The following MIR2052HG variants were observed in gnomAD, a reference collection of about 807,000 sequenced individuals.
MIR2052HG encodes the protein MIR2052 host gene.
At chr8:74,679,461 A>G (rs938391028) in intron 2 of MIR2052HG, among the ~76,000 whole-genome samples, 8 of 151,678 alleles carry the variant, frequency 5.3e-5, no homozygotes, top group Non-Finnish European at 1.2e-4. Flanking sequence ...TCCATGGTGT[A>G]TATGTACCAC....
At chr8:74,648,094 G>A (rs1808712678) in intron 2 of MIR2052HG, among the ~76,000 whole-genome samples, 1 of 152,106 alleles carries the variant, frequency 6.6e-6, no homozygotes, top group Non-Finnish European at 1.5e-5. Flanking sequence ...CTTCAGGTTT[G>A]GGCAGAATAG....
At chr8:74,614,452 T>C (rs560662498) in intron 2 of MIR2052HG, among the ~76,000 whole-genome samples, 1 of 152,316 alleles carries the variant, frequency 6.6e-6, no homozygotes, top group Admixed American at 6.5e-5. Context: ...TATTGGTGCT[T>C]TTAAATTCTC....
intron 2 of MIR2052HG, among the ~76,000 whole-genome samples, chr8:74,695,313 C>G (rs533975374): frequency 1.2e-4 from 18 of 152,252 alleles, no homozygotes; most frequent in Non-Finnish European, 2.2e-4. Flanking sequence ...AAAAGGAGCT[C>G]TAAATCTTGA....
intron 2 of MIR2052HG, among the ~76,000 whole-genome samples, chr8:74,637,225 A>G (rs75426908): frequency 2.3e-4 from 35 of 152,292 alleles, no homozygotes; most frequent in East Asian, 1.2e-3. Context: ...TGGAAGGACT[A>G]CATGTCAGAA....
At chr8:74,717,096 C>T (rs1266253724) in intron 4 of MIR2052HG, among the ~76,000 whole-genome samples, 1 of 151,922 alleles carries the variant, frequency 6.6e-6, no homozygotes, top group East Asian at 1.9e-4. Flanking sequence ...ACCTATCAAC[C>T]CGTCATCTAG....
At chr8:74,694,289 C>A (rs1809273117) in intron 2 of MIR2052HG, among the ~76,000 whole-genome samples, 1 of 152,176 alleles carries the variant, frequency 6.6e-6, no homozygotes, top group Admixed American at 6.5e-5. Flanking sequence ...TCTCAGGAAG[C>A]CCCATTCCTA....
At chr8:74,633,835 CT>C (rs1808549738) in intron 2 of MIR2052HG, among the ~76,000 whole-genome samples, 1 of 152,158 alleles carries the variant, frequency 6.6e-6, no homozygotes, top group African/African-American at 2.4e-5. Context: ...CCTTTGACTA[CT>C]ACAAGGATGA....
chr8:74,647,946 T>TCAC (rs1171770079), intron 2 of MIR2052HG, among the ~76,000 whole-genome samples: 1 of 152,194 alleles, frequency 6.6e-6, no homozygotes, highest in Non-Finnish European at 1.5e-5. Flanking sequence ...AGAATGTATG[T>TCAC]CACCTCAAGA....
At chr8:74,726,987 A>T (rs935088013) in intron 4 of MIR2052HG, among the ~76,000 whole-genome samples, 4 of 152,210 alleles carry the variant, frequency 2.6e-5, no homozygotes, top group African/African-American at 9.6e-5. Flanking sequence ...AATGAACATT[A>T]CATCAGCTTG....
At chr8:74,719,043 C>T (rs1271227551) in intron 4 of MIR2052HG, among the ~76,000 whole-genome samples, 2 of 150,316 alleles carry the variant, frequency 1.3e-5, no homozygotes, top group South Asian at 2.1e-4. Flanking sequence ...TTGTCAGGGT[C>T]TTCCTATGAG....
intron 2 of MIR2052HG, among the ~76,000 whole-genome samples, chr8:74,647,713 G>A (rs1401566552): frequency 6.6e-6 from 1 of 152,140 alleles, no homozygotes; most frequent in Non-Finnish European, 1.5e-5. Flanking sequence ...GGAGGGACCG[G>A]CTGAAGCTGT....
intron 4 of MIR2052HG, among the ~76,000 whole-genome samples, chr8:74,721,984 G>T (rs1369890437): frequency 6.6e-6 from 1 of 152,174 alleles, no homozygotes; most frequent in Non-Finnish European, 1.5e-5. Flanking sequence ...CTTGAGCCCA[G>T]GAGTTCAAGA....
intron 2 of MIR2052HG, among the ~76,000 whole-genome samples, chr8:74,645,515 C>T (rs1808682365): frequency 6.6e-6 from 1 of 152,186 alleles, no homozygotes; most frequent in Non-Finnish European, 1.5e-5. Flanking sequence ...GAACTCCCAA[C>T]CTCAGGTGAT....
intron 2 of MIR2052HG, among the ~76,000 whole-genome samples, chr8:74,695,726 G>A (rs966635442): frequency 6.6e-6 from 1 of 151,816 alleles, no homozygotes; most frequent in Admixed American, 6.6e-5. Flanking sequence ...AAGATATTAT[G>A]TACTGATAAA....
At chr8:74,649,968 A>C (rs951754051) in intron 2 of MIR2052HG, among the ~76,000 whole-genome samples, 3 of 152,050 alleles carry the variant, frequency 2.0e-5, no homozygotes, top group Non-Finnish European at 4.4e-5. Flanking sequence ...TGTATATTTG[A>C]AATATGATTT....
intron 4 of MIR2052HG, among the ~76,000 whole-genome samples, chr8:74,734,959 A>T (rs139956256): frequency 6.6e-6 from 1 of 152,222 alleles, no homozygotes; most frequent in African/African-American, 2.4e-5. Flanking sequence ...ACATATGTAC[A>T]ATGCTGAACA....
At chr8:74,615,196 G>A (rs117023872) in intron 2 of MIR2052HG, 2,272 of 152,218 alleles carry the variant, frequency 0.015, 18 homozygotes, top group Non-Finnish European at 0.019. Flanking sequence ...AATGACACAC[G>A]GGGCTCAATC....
intron 2 of MIR2052HG, among the ~76,000 whole-genome samples, chr8:74,698,981 C>T (rs1042308564): frequency 3.3e-5 from 5 of 151,904 alleles, no homozygotes; most frequent in Non-Finnish European, 7.4e-5. Flanking sequence ...AGAAGATACA[C>T]AAATGGCCAA....
intron 4 of MIR2052HG, among the ~76,000 whole-genome samples, chr8:74,748,659 G>A (rs1275361337): frequency 6.6e-6 from 1 of 152,108 alleles, no homozygotes; most frequent in East Asian, 1.9e-4. Flanking sequence ...ATACCTTCTT[G>A]CACAGAAAAT....
Sources: gnomAD v4.1 joint callset for allele counts (sites outside exome capture counted in the v4.1 genomes callset) on GRCh38, gnomAD v4.1.1 for gene constraint, MANE v1.5 for transcripts, NCBI Gene and HGNC (gene_info 2026-07-23, HGNC 2026-07-21) for gene names.